The following LOC128462377 variants were observed in gnomAD, a reference collection of about 807,000 sequenced individuals.
At chr16:89,333,839 C>T in the LOC128462377 span, among the ~76,000 whole-genome samples, 1 of 152,100 alleles carries the variant, frequency 6.6e-6, no homozygotes, top group Non-Finnish European at 1.5e-5. Flanking sequence ...TGCACACCAT[C>T]ACAGAAAGGG....
chr16:89,392,709 G>A, the LOC128462377 span: 1 of 148,646 alleles, frequency 6.7e-6, no homozygotes, highest in Non-Finnish European at 1.5e-5. Context: ...CAACATGGTT[G>A]AGTTCACAGA....
At chr16:89,370,439 G>C in the LOC128462377 span, among the ~76,000 whole-genome samples, 8 of 152,278 alleles carry the variant, frequency 5.3e-5, no homozygotes, top group East Asian at 9.7e-4. Context: ...CCGTTATCCA[G>C]GGCAAAGATG....
the LOC128462377 span, among the ~76,000 whole-genome samples, chr16:89,371,072 A>C: frequency 6.6e-6 from 1 of 152,158 alleles, no homozygotes. Context: ...TGTTCAGGTG[A>C]GAAACGTTCA....
At chr16:89,408,942 G>A in the LOC128462377 span, among the ~76,000 whole-genome samples, 1 of 152,210 alleles carries the variant, frequency 6.6e-6, no homozygotes. Context: ...TGAACAGGCC[G>A]CTGTGGAGTG....
At chr16:89,337,429 CTTTTTTTT>C in the LOC128462377 span, among the ~76,000 whole-genome samples, 10 of 53,136 alleles carry the variant, frequency 1.9e-4, no homozygotes, top group South Asian at 1.2e-3. Context: ...CTAAGCAATT[CTTTTTTTT>C]TTTTTTTTTT....
chr16:89,384,320 C>A, the LOC128462377 span, among the ~76,000 whole-genome samples: 4 of 152,174 alleles, frequency 2.6e-5, no homozygotes, highest in African/African-American at 9.7e-5. Context: ...CACCTGAGGT[C>A]AGGAGTTCGA....
the LOC128462377 span, among the ~76,000 whole-genome samples, chr16:89,329,451 T>C: frequency 1.3e-5 from 2 of 152,322 alleles, no homozygotes; most frequent in Admixed American, 6.5e-5. Flanking sequence ...CCATGGGTGA[T>C]GAATAGTCTA....
the LOC128462377 span, among the ~76,000 whole-genome samples, chr16:89,388,462 C>G: frequency 2.0e-5 from 3 of 151,964 alleles, no homozygotes. Context: ...TCTTGAAAAT[C>G]GACACGGAAT....
the LOC128462377 span, among the ~76,000 whole-genome samples, chr16:89,397,046 G>A: frequency 1.3e-5 from 2 of 151,614 alleles, no homozygotes; most frequent in South Asian, 4.2e-4. Flanking sequence ...TAAAGAATGT[G>A]CTGCTTATAT....
At chr16:89,411,065 G>A in the LOC128462377 span, among the ~76,000 whole-genome samples, 15 of 152,324 alleles carry the variant, frequency 9.8e-5, no homozygotes, top group African/African-American at 3.6e-4. Context: ...AGAGGGAGGG[G>A]CGGCCAGTGC....
chr16:89,368,381 T>TG, the LOC128462377 span, among the ~76,000 whole-genome samples: 180 of 124,106 alleles, frequency 1.5e-3, 1 homozygote, highest in African/African-American at 6.6e-3. Context: ...GTTTTTTTTT[T>TG]TTTTTTTTTT....
the LOC128462377 span, among the ~76,000 whole-genome samples, chr16:89,325,465 T>TCACACA: frequency 6.5e-4 from 90 of 139,442 alleles, no homozygotes; most frequent in African/African-American, 2.5e-3. Context: ...TCTCTCTCTC[T>TCACACA]CTCTCACACA....
At chr16:89,386,937 G>C in the LOC128462377 span, among the ~76,000 whole-genome samples, 1 of 152,088 alleles carries the variant, frequency 6.6e-6, no homozygotes, top group African/African-American at 2.4e-5. Context: ...ACCGAGTCAA[G>C]GGCATGAAGG....
the LOC128462377 span, among the ~76,000 whole-genome samples, chr16:89,409,926 G>A: frequency 4.6e-5 from 7 of 152,134 alleles, no homozygotes; most frequent in Middle Eastern, 3.4e-3. Flanking sequence ...TGCAAGCTCC[G>A]CCTCCCGGGT....
At chr16:89,341,659 G>A in the LOC128462377 span, among the ~76,000 whole-genome samples, 7 of 152,348 alleles carry the variant, frequency 4.6e-5, no homozygotes, top group African/African-American at 7.2e-5. Flanking sequence ...GCAATGCCAC[G>A]TATGCAAACG....
At chr16:89,352,096 G>A in the LOC128462377 span, among the ~76,000 whole-genome samples, 2 of 151,362 alleles carry the variant, frequency 1.3e-5, no homozygotes, top group Non-Finnish European at 2.9e-5. Context: ...TCAACATGTT[G>A]GTCAGATTGG....
the LOC128462377 span, among the ~76,000 whole-genome samples, chr16:89,344,609 G>A: frequency 6.6e-6 from 1 of 152,234 alleles, no homozygotes; most frequent in Non-Finnish European, 1.5e-5. Flanking sequence ...AAGCGTCCGG[G>A]AGGACACTCC....
chr16:89,345,128 G>A, the LOC128462377 span, among the ~76,000 whole-genome samples: 1 of 151,916 alleles, frequency 6.6e-6, no homozygotes, highest in Non-Finnish European at 1.5e-5. Flanking sequence ...AAATCTGGGA[G>A]CATCCACCAG....
chr16:89,359,846 C>G, the LOC128462377 span, among the ~76,000 whole-genome samples: 1 of 152,122 alleles, frequency 6.6e-6, no homozygotes, highest in African/African-American at 2.4e-5. Flanking sequence ...CTACAAAACC[C>G]TAAGAACAGA....
Sources: gnomAD v4.1 joint callset for allele counts (sites outside exome capture counted in the v4.1 genomes callset) on GRCh38, gnomAD v4.1.1 for gene constraint, MANE v1.5 for transcripts.